Variants in POLK observed in about 807,000 individuals in gnomAD.
POLK encodes the protein DNA polymerase kappa, also known as polymerase (DNA directed) kappa.
Under a neutral mutation model 94.0 loss-of-function variants are expected in POLK, and 76 were observed. The observed-to-expected ratio is 0.81, with a 90% confidence interval of 0.67 to 0.98. The LOEUF (loss-of-function observed/expected upper bound fraction) is 0.98. POLK is among the 50% of genes least tolerant of loss of function. The pLI is 0.00. For missense variants in POLK, 954 were observed against 1,010.1 expected (o/e 0.94, Z 0.75); for synonymous variants, 349 against 325.4 (o/e 1.07, Z -0.78).
chr5:75,526,150 T>C (rs1197712920), intron 1 of POLK, among the ~76,000 whole-genome samples: 6 of 152,146 alleles, frequency 3.9e-5, no homozygotes, highest in African/African-American at 1.2e-4. Context: ...TATTTTATAT[T>C]TTTATCTGTT....
At chr5:75,529,319 CAG>C (rs1287668962) in intron 1 of POLK, among the ~76,000 whole-genome samples, 3 of 152,030 alleles carry the variant, frequency 2.0e-5, no homozygotes, top group African/African-American at 4.8e-5. Flanking sequence ...CTTGTGAACT[CAG>C]AGCAAGAACT....
intron 10 of POLK, 44 bp downstream of exon 10, chr5:75,587,102 A>G (rs756895583): frequency 1.9e-6 from 2 of 1,071,762 alleles, no homozygotes; most frequent in Non-Finnish European, 2.8e-6. Context: ...AATTCATGTT[A>G]TTTTAAACTA....
At chr5:75,597,169 A>G (rs757546785) in exon 13 of POLK, 32 of 1,516,146 alleles carry the variant, frequency 2.1e-5, no homozygotes, top group African/African-American at 2.7e-5. Flanking sequence ...AGAAAGCTCC[A>G]GAAGTACTGG....
chr5:75,536,179 T>A (rs1769435636), intron 1 of POLK, among the ~76,000 whole-genome samples: 2 of 152,176 alleles, frequency 1.3e-5, no homozygotes, highest in Admixed American at 1.3e-4. Context: ...TGGATTCAGT[T>A]GATGAACTTT....
intron 3 of POLK, among the ~76,000 whole-genome samples, chr5:75,563,576 C>T (rs1440005023): frequency 6.6e-6 from 1 of 152,164 alleles, no homozygotes; most frequent in Non-Finnish European, 1.5e-5. Context: ...AGCTGTGTCC[C>T]AGAGATTCTG....
intron 3 of POLK, among the ~76,000 whole-genome samples, chr5:75,561,257 A>G (rs1770958036): frequency 6.6e-6 from 1 of 152,166 alleles, no homozygotes; most frequent in Admixed American, 6.5e-5. Flanking sequence ...CGTTTCTCTA[A>G]TGACCATTGA....
At chr5:75,527,582 T>C (rs1214146475) in intron 1 of POLK, among the ~76,000 whole-genome samples, 1 of 151,930 alleles carries the variant, frequency 6.6e-6, no homozygotes, top group East Asian at 1.9e-4. Flanking sequence ...TGTGTATGTG[T>C]GTGTGTATAT....
At chr5:75,539,875 G>C (rs1347231180) in intron 1 of POLK, among the ~76,000 whole-genome samples, 2 of 152,186 alleles carry the variant, frequency 1.3e-5, no homozygotes, top group Non-Finnish European at 2.9e-5. Flanking sequence ...TACATATGAA[G>C]AAATTATAGA....
At chr5:75,595,794 T>C (rs1320739597) in intron 12 of POLK, among the ~76,000 whole-genome samples, 1 of 152,146 alleles carries the variant, frequency 6.6e-6, no homozygotes, top group Non-Finnish European at 1.5e-5. Context: ...CACATGTTGA[T>C]AGTTGGGGTG....
chr5:75,511,000 T>C (rs1767947192), upstream of POLK: 5 of 1,366,964 alleles, frequency 3.7e-6, no homozygotes, highest in Non-Finnish European at 2.9e-6. Flanking sequence ...ACACTCAGCC[T>C]CGCACCCCGG....
chr5:75,574,877 A>G (rs1304589374), intron 5 of POLK, among the ~76,000 whole-genome samples: 2 of 152,242 alleles, frequency 1.3e-5, no homozygotes, highest in Non-Finnish European at 2.9e-5. Flanking sequence ...AATACTAATC[A>G]TAAATATAGC....
At chr5:75,516,072 A>G (rs1453305423) in intron 1 of POLK, among the ~76,000 whole-genome samples, 3 of 152,070 alleles carry the variant, frequency 2.0e-5, no homozygotes, top group South Asian at 4.1e-4. Flanking sequence ...TTTAAATAAG[A>G]TTATTTTTCT....
chr5:75,515,570 T>G (rs879581699), intron 1 of POLK, among the ~76,000 whole-genome samples: 1 of 152,118 alleles, frequency 6.6e-6, no homozygotes, highest in Non-Finnish European at 1.5e-5. Flanking sequence ...GTAATAAACG[T>G]GTGAGTGCAG....
intron 11 of POLK, among the ~76,000 whole-genome samples, chr5:75,591,140 A>T (rs1020765072): frequency 6.6e-6 from 1 of 152,332 alleles, no homozygotes; most frequent in East Asian, 1.9e-4. Context: ...GTTACATACC[A>T]GAATAGCTAG....
chr5:75,596,394 C>T (rs1581109938), exon 13 of POLK: 1 of 1,613,592 alleles, frequency 6.2e-7, no homozygotes, highest in African/African-American at 1.3e-5. Context: ...AGAAGAGTTT[C>T]TTTGATAAAA....
chr5:75,584,930 T>G lies in POLK; in HGVS notation c.1226+4T>G. The G allele has an allele frequency of 6.4e-7, 1 of 1,559,424 alleles. No individual in the cohort carries two copies. Among genetic ancestry groups the G allele is most frequent in the Non-Finnish European group, 8.7e-7 (1 of 1,143,594 alleles). On this transcript the variant is annotated splice_donor_region_variant and intron_variant, in intron 9 of 14. Transcript: ENST00000241436. ...TAGGTTCAACACACCTGACGAGGTA[T>G]CTATATGTATTGTCATTCTGCTTTT...
exon 13 of POLK, chr5:75,596,810 C>G: frequency 1.2e-6 from 2 of 1,610,152 alleles, no homozygotes; most frequent in Non-Finnish European, 1.7e-6. Context: ...TTAGTAGATA[C>G]TATAGATAAC....
At chr5:75,597,718 G>T in intron 13 of POLK, 29 bp from the exon 14 acceptor site, 1 of 1,321,560 alleles carries the variant, frequency 7.6e-7, no homozygotes. Context: ...TATTCATTAT[G>T]GAATTTCTTG....
chr5:75,516,424 A>C, intron 1 of POLK, among the ~76,000 whole-genome samples: 1 of 152,238 alleles, frequency 6.6e-6, no homozygotes, highest in South Asian at 2.1e-4. Context: ...TTTTGCAAAA[A>C]GAATTTTAAA....
Sources: allele counts gnomAD v4.1 joint callset (sites outside exome capture counted in the v4.1 genomes callset), GRCh38; gene constraint gnomAD v4.1.1; transcripts MANE v1.5; gene names NCBI Gene and HGNC (gene_info 2026-07-23, HGNC 2026-07-21).